Variants in PRRC1 observed in about 807,000 individuals in gnomAD.
PRRC1 encodes proline rich coiled-coil 1.
In PRRC1, 39 loss-of-function variants were observed where a neutral mutation model predicts 40.7. The observed-to-expected ratio is 0.96, with a 90% CI of 0.74 to 1.25. PRRC1 has a LOEUF of 1.25. PRRC1 is among the 50% of genes most tolerant of loss of function. The pLI, the probability that PRRC1 is intolerant of heterozygous loss-of-function variation, is 0.00. For missense variants in PRRC1, 573 were observed against 548.3 expected (o/e 1.05, Z -0.45); for synonymous variants, 175 against 193.3 (o/e 0.91, Z 0.79).
rs941013785 is a variant in PRRC1 at position 127,551,976 on chromosome 5, T to C, written c.*60T>C. 2.6e-5 allele frequency: 42 copies of C among 1,604,436 alleles called. No individual in the cohort carries two copies. The highest frequency in any genetic ancestry group is 6.8e-5 in the Admixed American group (4 of 59,188). On this transcript the variant is annotated 3_prime_UTR_variant, in exon 9 of 9. Transcript: ENST00000296666. ...CACTTTTAGCTTGATGTTAAAGAAG[T>C]GGTTGTACCTTCCTAAATCGAATAG...
intron 6 of PRRC1, among the ~76,000 whole-genome samples, chr5:127,537,562 A>G (rs1359311128): frequency 2.0e-5 from 3 of 151,934 alleles, no homozygotes; most frequent in Non-Finnish European, 4.4e-5. Flanking sequence ...TGTTTTGTGA[A>G]TCCTGTGAAA....
In PRRC1 at chr5:127,552,830, C is replaced by A; in HGVS notation, c.*914C>A. The stretch of plus-strand genomic sequence containing the variant: ...TTGTGGGTTAGTATGTCTCTTACTT[C>A]AATTAAGGTTACTTATTTGGTTTGC... On this transcript the variant is annotated 3_prime_UTR_variant, in exon 9 of 9. Transcript: ENST00000296666. 1 of 985,246 alleles carries A rather than the reference C, an allele frequency of 1.0e-6. No homozygotes were observed. Among genetic ancestry groups the A allele is most frequent in the Non-Finnish European group, 1.2e-6 (1 of 829,458 alleles). 61.0% of individuals were successfully genotyped at this position (985,246 alleles called of 1,614,324 possible).
Position 127,552,692 on chromosome 5 carries a change from T to C in PRRC1, c.*776T>C. 1 of 981,606 alleles carries C rather than the reference T, an allele frequency of 1.0e-6. No individual in the cohort carries two copies. Among genetic ancestry groups the C allele is most frequent in the Non-Finnish European group, 1.2e-6 (1 of 826,040 alleles). The allele number at this position is 981,606 out of a possible 1,614,324, so 60.8% of individuals were successfully genotyped here. On this transcript the variant is annotated 3_prime_UTR_variant, in exon 9 of 9. Transcript: ENST00000296666. ...AAGTATTCAAATTATTTTTGTATAATACTGTTCAGTACTTCCAAGAATAAG... is the reference window on the plus strand; with the variant it reads ...AAGTATTCAAATTATTTTTGTATAACACTGTTCAGTACTTCCAAGAATAAG...
intron 6 of PRRC1, among the ~76,000 whole-genome samples, chr5:127,535,327 C>T (rs1398698056): frequency 6.6e-6 from 1 of 152,174 alleles, no homozygotes; most frequent in African/African-American, 2.4e-5. Flanking sequence ...AGGAACACTA[C>T]AGCACTCCAG....
In PRRC1 at chr5:127,552,262, G is replaced by A. The variant is rs1768413222; in HGVS notation, c.*346G>A. 9.5e-7 allele frequency: 1 copy of A among 1,052,908 alleles called. No individual in the cohort carries two copies. Among genetic ancestry groups the A allele is most frequent in the South Asian group, 3.4e-5 (1 of 29,468 alleles). The allele number at this position is 1,052,908 out of a possible 1,614,324, so 65.2% of individuals were successfully genotyped here. Reference sequence around the variant, plus strand: ...GTACTTGATTATTTTGTTCTTTAAAGAAGACATTATTAAAGAACATGTTGG... The same window carrying A: ...GTACTTGATTATTTTGTTCTTTAAAAAAGACATTATTAAAGAACATGTTGG... On this transcript the variant is annotated 3_prime_UTR_variant, in exon 9 of 9. Transcript: ENST00000296666.
At chr5:127,540,975 T>TTA (rs1434557347) in intron 7 of PRRC1, among the ~76,000 whole-genome samples, 1 of 152,172 alleles carries the variant, frequency 6.6e-6, no homozygotes, top group Non-Finnish European at 1.5e-5. Flanking sequence ...ATGCTTCCAG[T>TTA]TTTTGCCCAT....
chr5:127,552,832 AT>A lies in PRRC1; in HGVS notation c.*918del. 1.0e-6 allele frequency: 1 copy of A among 985,376 alleles called. No individual in the cohort carries two copies. The highest frequency in any genetic ancestry group is 1.2e-6 in the Non-Finnish European group (1 of 829,512). The allele number at this position is 985,376 out of a possible 1,614,324, so 61.0% of individuals were successfully genotyped here. On this transcript the variant is annotated 3_prime_UTR_variant, in exon 9 of 9. Coordinates refer to ENST00000296666, the MANE Select transcript of PRRC1 (RefSeq NM_130809.5). Reference sequence around the variant, plus strand: ...GTGGGTTAGTATGTCTCTTACTTCAATTAAGGTTACTTATTTGGTTTGCCTT... The same window carrying A: ...GTGGGTTAGTATGTCTCTTACTTCAATAAGGTTACTTATTTGGTTTGCCTT...
intron 8 of PRRC1, 172 bp from the exon 9 acceptor site, chr5:127,551,531 CATTG>C (rs1204542150): frequency 1.6e-6 from 1 of 641,164 alleles, no homozygotes; most frequent in Non-Finnish European, 2.7e-6. Flanking sequence ...TGTAATGTTA[CATTG>C]ATTGTGTTCT....
chr5:127,542,927 C>G (rs1408063003), intron 7 of PRRC1, among the ~76,000 whole-genome samples: 1 of 152,092 alleles, frequency 6.6e-6, no homozygotes, highest in East Asian at 1.9e-4. Flanking sequence ...ATGATGTTAG[C>G]TGGTTATTTT....
chr5:127,525,635 A>G (rs539585847), intron 3 of PRRC1, among the ~76,000 whole-genome samples: 2 of 152,276 alleles, frequency 1.3e-5, no homozygotes, highest in South Asian at 4.2e-4. Flanking sequence ...GCGGGGTCCC[A>G]CTTTCTCTGC....
chr5:127,528,809 A>G (rs964199425), intron 4 of PRRC1, among the ~76,000 whole-genome samples: 3 of 152,254 alleles, frequency 2.0e-5, no homozygotes, highest in African/African-American at 7.2e-5. Context: ...CAGCTACTCA[A>G]TGGAGTATTT....
chr5:127,545,087 A>G (rs1489579550), intron 7 of PRRC1, among the ~76,000 whole-genome samples: 2 of 152,168 alleles, frequency 1.3e-5, no homozygotes, highest in Non-Finnish European at 2.9e-5. Flanking sequence ...CCACAATGAG[A>G]TACCATCTCA....
intron 3 of PRRC1, among the ~76,000 whole-genome samples, chr5:127,525,535 C>T (rs1457263606): frequency 1.3e-5 from 2 of 152,032 alleles, no homozygotes; most frequent in Non-Finnish European, 2.9e-5. Flanking sequence ...GGGTGTCTAC[C>T]TAGGCATGGA....
rs1296003612 is a variant in PRRC1 at position 127,551,688 on chromosome 5, C to G, written c.1129-19C>G. 6.2e-7 allele frequency: 1 copy of G among 1,611,366 alleles called. No individual in the cohort carries two copies. Among genetic ancestry groups the G allele is most frequent in the Admixed American group, 1.7e-5 (1 of 59,970 alleles). ...TTTTTAAATGTATTATAAGTAATAT[C>G]AATTTCATCTTTCCACAGGCTCAAA... On this transcript the variant is annotated intron_variant, in intron 8 of 8. Coordinates refer to ENST00000296666, the MANE Select transcript of PRRC1 (RefSeq NM_130809.5).
chr5:127,552,940 AGTTT>A lies in PRRC1; in HGVS notation c.*1025_*1028del, dbSNP rs898805587. On this transcript the variant is annotated 3_prime_UTR_variant, in exon 9 of 9. Transcript: ENST00000296666. ...AAAGAAACTATTTTATATTCAATCT[AGTTT>A]ATTTAGTCTACTGTATTTCTATTTC... 3.8e-4 allele frequency: 331 copies of A among 880,886 alleles called. 2 individuals are homozygous for A. The African/African-American group carries it at 5.8e-3, about 16-fold the overall frequency. 54.6% of individuals were successfully genotyped at this position (880,886 alleles called of 1,614,324 possible). A position where few individuals can be genotyped will look rare whatever the true frequency, so the allele number is the denominator to read the frequency against.
intron 6 of PRRC1, among the ~76,000 whole-genome samples, chr5:127,535,298 T>G (rs1319683920): frequency 6.6e-6 from 1 of 152,204 alleles, no homozygotes; most frequent in Non-Finnish European, 1.5e-5. Flanking sequence ...TTAAGGCACA[T>G]CATTGTCTTC....
chr5:127,542,315 AGGTGT>A (rs1768071945), intron 7 of PRRC1, among the ~76,000 whole-genome samples: 1 of 151,960 alleles, frequency 6.6e-6, no homozygotes, highest in South Asian at 2.1e-4. Context: ...ATTTTGGAAT[AGGTGT>A]GGTGTGGTGC....
chr5:127,522,677 C>T (rs918571974), intron 1 of PRRC1, among the ~76,000 whole-genome samples: 1 of 151,936 alleles, frequency 6.6e-6, no homozygotes, highest in Non-Finnish European at 1.5e-5. Flanking sequence ...AGCGGTCAGC[C>T]ACTGTGCCTG....
intron 6 of PRRC1, among the ~76,000 whole-genome samples, chr5:127,534,697 C>A (rs1767851504): frequency 1.3e-5 from 2 of 152,210 alleles, no homozygotes; most frequent in African/African-American, 4.8e-5. Flanking sequence ...CTCAGACTAT[C>A]CCATGGCTTT....
Sources: gnomAD v4.1 joint callset for allele counts (sites outside exome capture counted in the v4.1 genomes callset) on GRCh38, gnomAD v4.1.1 for gene constraint, MANE v1.5 for transcripts, NCBI Gene and HGNC (gene_info 2026-07-23, HGNC 2026-07-21) for gene names.